KNTC1: variants seen among roughly 807,000 people sequenced by gnomAD.
The protein encoded by KNTC1 is kinetochore-associated protein 1.
Under a neutral mutation model 314.4 loss-of-function variants are expected in KNTC1, and 253 were observed. That is an observed-to-expected ratio of 0.80 (90% CI 0.73 to 0.89). The LOEUF (loss-of-function observed/expected upper bound fraction) is 0.89. Among genes scored for constraint, KNTC1 ranks in the 40% least tolerant of loss-of-function variants. The probability of loss-of-function intolerance (pLI) is 0.00; values close to 1 mark genes in which losing one functional copy is unlikely to be tolerated. For synonymous variants in KNTC1, 901 were observed against 901.4 expected, an observed-to-expected ratio of 1.00 and a Z score of 0.01; for missense variants, 2,475 against 2,572.9, an observed-to-expected ratio of 0.96 and a Z score of 0.82.
intron 51 of KNTC1, among the ~76,000 whole-genome samples, chr12:122,608,180 G>A (rs1445085168): frequency 6.6e-6 from 1 of 152,186 alleles, no homozygotes; most frequent in Admixed American, 6.5e-5. Context: ...CATGATCTCA[G>A]TTCACTACAG....
chr12:122,606,320 A>G (rs958782708), intron 51 of KNTC1, among the ~76,000 whole-genome samples: 2 of 147,474 alleles, frequency 1.4e-5, no homozygotes, highest in Non-Finnish European at 3.0e-5. Flanking sequence ...GAGGTTCAAG[A>G]GATTCTCCCT....
At position 122,534,758 on chromosome 12, in the gene KNTC1, G is replaced by C; in HGVS notation, c.224G>C (p.Arg75Thr). 1 of 1,612,754 alleles carries C rather than the reference G, an allele frequency of 6.2e-7. No individual in the cohort carries two copies. Among genetic ancestry groups the C allele is most frequent in the Non-Finnish European group, 8.5e-7 (1 of 1,179,092 alleles). The change falls in exon 3 of 64, where the codon AGA becomes ACA. Residue 75 changes from arginine (R) to threonine (T), a missense_variant. By Grantham distance (71) the Arg-to-Thr change is moderately conservative (BLOSUM62 -1). Transcript: ENST00000333479. ...QSVILLDSIC[R>T]SLQLHLVFDT... ...GTGATATTGCTTGACAGTATTTGTA[G>C]ATCACTTCAATTGCATCTTGTCTTT...
In KNTC1 at chr12:122,588,746, A is replaced by G. The variant is rs1358790423; in HGVS notation, c.3929A>G (p.His1310Arg). The G allele has an allele frequency of 6.4e-7, 1 of 1,560,004 alleles. No homozygotes were observed. The highest frequency in any genetic ancestry group is 1.9e-5 in the Admixed American group (1 of 51,882). The change falls in exon 40 of 64, where the codon CAT becomes CGT. Residue 1310 changes from histidine to arginine, a missense_variant. Coordinates refer to ENST00000333479, the MANE Select transcript of KNTC1 (RefSeq NM_014708.6). ...FGETTLVKSR[H>R]VVMELKEKAV... ...GAGACTACATTAGTTAAATCAAGGC[A>G]TGTTGTTATGGAATTGAAAGAAAAA...
chr12:122,606,114 C>T (rs576219716), intron 51 of KNTC1, among the ~76,000 whole-genome samples: 2 of 151,818 alleles, frequency 1.3e-5, no homozygotes, highest in African/African-American at 2.4e-5. Flanking sequence ...CCTCCCGCCT[C>T]GATTTCCCAA....
chr12:122,590,109 T>C (rs1869970922), intron 40 of KNTC1, among the ~76,000 whole-genome samples: 1 of 152,108 alleles, frequency 6.6e-6, no homozygotes, highest in Admixed American at 6.6e-5. Flanking sequence ...GGAGATAATT[T>C]CAAAGTTTCA....
chr12:122,589,198 T>C (rs533305392), intron 40 of KNTC1, among the ~76,000 whole-genome samples: 101 of 152,062 alleles, frequency 6.6e-4, no homozygotes, highest in Middle Eastern at 3.4e-3. Flanking sequence ...GTCACTGAGA[T>C]TATAGGCATG....
intron 20 of KNTC1, among the ~76,000 whole-genome samples, chr12:122,567,005 G>GT (rs1964390842): frequency 6.6e-6 from 1 of 151,862 alleles, no homozygotes; most frequent in Admixed American, 6.6e-5. Context: ...AAAGTGCTGG[G>GT]AATATAGACA....
chr12:122,556,019 AT>A (rs575674814), intron 16 of KNTC1, among the ~76,000 whole-genome samples: 69 of 147,528 alleles, frequency 4.7e-4, no homozygotes, highest in South Asian at 2.8e-3. Context: ...TCTTTTAGCA[AT>A]TTTTTTTTTT....
chr12:122,596,610 G>T lies in KNTC1; in HGVS notation c.4356-1121G>T, dbSNP rs79312466. Among the ~76,000 whole-genome samples, 1,138 of 152,126 alleles carry T rather than the reference G, an allele frequency of 7.5e-3. 43 individuals carry two copies. Among genetic ancestry groups the T allele is most frequent in the Admixed American group, 0.059 (907 of 15,276 alleles). On this transcript the variant is annotated intron_variant, in intron 43 of 63. Coordinates refer to ENST00000333479, the MANE Select transcript of KNTC1 (RefSeq NM_014708.6). The stretch of plus-strand genomic sequence containing the variant: ...AATCCCAACACTTTGAGGGGCCAAG[G>T]CAGGAGGATCGCTTGAGGCCAGGAG...
In KNTC1 at chr12:122,608,047, ACC is replaced by A. The variant is rs1593672190; in HGVS notation, c.5497-1336_5497-1335del. Among the ~76,000 whole-genome samples, 17 of 152,268 alleles carry A rather than the reference ACC, an allele frequency of 1.1e-4. No individual in the cohort carries two copies. The East Asian group carries it at 3.3e-3, about 29-fold the overall frequency. On this transcript the variant is annotated intron_variant, in intron 51 of 63. Coordinates refer to ENST00000333479, the MANE Select transcript of KNTC1 (RefSeq NM_014708.6). The stretch of plus-strand genomic sequence containing the variant: ...GGTAGATTCTATAATTCCTATATCC[ACC>A]TAGGCAGATATTCTTGGGGGAACAA...
intron 51 of KNTC1, among the ~76,000 whole-genome samples, chr12:122,607,843 G>T (rs1872709530): frequency 6.6e-6 from 1 of 152,064 alleles, no homozygotes; most frequent in South Asian, 2.1e-4. Context: ...TTTGATTCAG[G>T]TTATGTGCTT....
chr12:122,595,492 A>G (rs1464606464), intron 43 of KNTC1, among the ~76,000 whole-genome samples: 2 of 152,200 alleles, frequency 1.3e-5, no homozygotes, highest in African/African-American at 4.8e-5. Flanking sequence ...ATGGAATCTG[A>G]GTTATTGAGA....
chr12:122,541,941 A>T, intron 5 of KNTC1, 109 bp from the exon 6 acceptor site: 1 of 1,038,068 alleles, frequency 9.6e-7, no homozygotes, highest in South Asian at 1.8e-5. Context: ...ATTGCACCCT[A>T]GAGGCGGAGG....
At chr12:122,592,432 C>T (rs1870386725) in intron 42 of KNTC1, among the ~76,000 whole-genome samples, 1 of 152,244 alleles carries the variant, frequency 6.6e-6, no homozygotes, top group African/African-American at 2.4e-5. Flanking sequence ...GACTGGCAGG[C>T]AGCTCCACCT....
chr12:122,567,747 A>G (rs1264185342), intron 20 of KNTC1, among the ~76,000 whole-genome samples: 1 of 152,148 alleles, frequency 6.6e-6, no homozygotes, highest in Non-Finnish European at 1.5e-5. Flanking sequence ...CTGAGGCATG[A>G]GAATCTCTTG....
At chr12:122,576,141 C>T (rs557030018) in intron 29 of KNTC1, among the ~76,000 whole-genome samples, 2 of 152,266 alleles carry the variant, frequency 1.3e-5, no homozygotes, top group African/African-American at 4.8e-5. Flanking sequence ...CTCACCACAA[C>T]CTCCGCCTTC....
rs1565976611 is a variant in KNTC1, at chr12:122,576,984, T to C, written c.2676T>C (p.Asp892=). Residue 892 remains aspartate (D), a synonymous_variant, in exon 30 of 64, where the codon GAT becomes GAC. Transcript: ENST00000333479. ...CCCAAGCGTTTATGTTATCTGATGA[T>C]GAGATCTACAGTCTAAGAATTATTG... ...KVAQAFMLSD[D]EIYSLRIIDL... The C allele has an allele frequency of 6.3e-7, 1 of 1,588,600 alleles. No individual in the cohort carries two copies. The highest frequency in any genetic ancestry group is 1.3e-5 in the African/African-American group (1 of 74,478).
chr12:122,527,635 C>G (rs1385120266), intron 1 of KNTC1: 1 of 152,206 alleles, frequency 6.6e-6, no homozygotes, highest in Non-Finnish European at 1.5e-5. Flanking sequence ...TGCTGAGTTC[C>G]CCTTCTACCC....
intron 26 of KNTC1, among the ~76,000 whole-genome samples, chr12:122,574,016 A>G (rs1964869630): frequency 6.6e-6 from 1 of 152,170 alleles, no homozygotes; most frequent in African/African-American, 2.4e-5. Context: ...GGATGTTATT[A>G]ATGTGCTACA....
Sources: gnomAD v4.1 joint callset for allele counts (sites outside exome capture counted in the v4.1 genomes callset) on GRCh38, gnomAD v4.1.1 for gene constraint, MANE v1.5 for transcripts, NCBI Gene and HGNC (gene_info 2026-07-23, HGNC 2026-07-21) for gene names.